Variants in CNTNAP3B observed in about 807,000 individuals in gnomAD.
CNTNAP3B encodes contactin associated protein family member 3B.
CNTNAP3B carries 25 observed loss-of-function variants against 108.9 expected under a neutral mutation model. That is an observed-to-expected ratio of 0.23 (90% confidence interval 0.17 to 0.32). CNTNAP3B has a LOEUF of 0.32. Ranked by LOEUF, CNTNAP3B falls within the 10% of genes least tolerant of loss-of-function variation. CNTNAP3B has a pLI of 1.00. For synonymous variants in CNTNAP3B, 103 were observed against 473.4 expected (o/e 0.22, Z 10.16); for missense variants, 252 against 1,210.4 (o/e 0.21, Z 11.75).
At chr9:41,924,781 T>C (rs1437283458) in intron 15 of CNTNAP3B, among the ~76,000 whole-genome samples, 1 of 152,248 alleles carries the variant, frequency 6.6e-6, no homozygotes, top group Non-Finnish European at 1.5e-5. Context: ...GGACTGCACA[T>C]CACATGTATT....
intron 14 of CNTNAP3B, among the ~76,000 whole-genome samples, chr9:41,936,124 AC>A (rs1373806351): frequency 6.6e-6 from 1 of 152,306 alleles, no homozygotes; most frequent in Admixed American, 6.5e-5. Context: ...TACTAAAAAT[AC>A]AAAAATTAGC....
In CNTNAP3B at chr9:42,019,782, C is replaced by G. The variant is rs1242121707; in HGVS notation, c.391-6257G>C. Among the ~76,000 whole-genome samples the G allele has an allele frequency of 7.0e-5, 8 of 114,250 alleles. No individual in the cohort carries two copies. In the South Asian group the frequency reaches 8.6e-4, roughly 12 times the overall value. 75.0% of individuals were successfully genotyped at this position (114,250 alleles called of 152,430 possible). A position where few individuals can be genotyped will look rare whatever the true frequency, so the allele number is the denominator to read the frequency against. On this transcript the variant is annotated intron_variant, in intron 3 of 23. Coordinates refer to ENST00000377561, the MANE Select transcript of CNTNAP3B (RefSeq NM_001201380.3). Reference sequence around the variant, plus strand: ...TCTCAAAAAAAAAAAAAAAAAAGTACTATGGAATCTAAAGTTTTCTCTAGC... The same window carrying G: ...TCTCAAAAAAAAAAAAAAAAAAGTAGTATGGAATCTAAAGTTTTCTCTAGC...
chr9:42,122,361 A>G (rs1400004777), intron 1 of CNTNAP3B, among the ~76,000 whole-genome samples: 1 of 137,094 alleles, frequency 7.3e-6, no homozygotes, highest in Admixed American at 7.3e-5. Flanking sequence ...AAGCAACATC[A>G]TTTTCTATTG....
intron 3 of CNTNAP3B, among the ~76,000 whole-genome samples, chr9:42,035,675 A>C (rs1466713512): frequency 6.6e-6 from 1 of 150,910 alleles, no homozygotes; most frequent in Non-Finnish European, 1.5e-5. Context: ...TTATTGTTTT[A>C]GAGACAGGGT....
chr9:42,014,747 T>A (rs1306025327), intron 3 of CNTNAP3B, among the ~76,000 whole-genome samples: 1 of 51,038 alleles, frequency 2.0e-5, no homozygotes, highest in Non-Finnish European at 3.5e-5. Context: ...GCCGAGATCG[T>A]GCCACTGCAC....
At chr9:41,941,111 AT>A (rs1458997908) in intron 13 of CNTNAP3B, among the ~76,000 whole-genome samples, 1 of 150,838 alleles carries the variant, frequency 6.6e-6, no homozygotes, top group African/African-American at 2.4e-5. Flanking sequence ...CCAAATAGAC[AT>A]AAGGATTCCA....
intron 1 of CNTNAP3B, among the ~76,000 whole-genome samples, chr9:42,116,465 G>A (rs1828319152): frequency 7.6e-6 from 1 of 131,040 alleles, no homozygotes; most frequent in Non-Finnish European, 1.6e-5. Context: ...TTACAGACAA[G>A]CAAATGCTGA....
chr9:41,959,005 G>A (rs1474570179), intron 12 of CNTNAP3B, among the ~76,000 whole-genome samples: 1 of 140,324 alleles, frequency 7.1e-6, no homozygotes, highest in Non-Finnish European at 1.5e-5. Context: ...CGTCAATTAA[G>A]TTTAGGTTTT....
intron 3 of CNTNAP3B, among the ~76,000 whole-genome samples, chr9:42,042,655 CA>C (rs1265892283): frequency 9.3e-6 from 1 of 107,920 alleles, no homozygotes; most frequent in African/African-American, 4.0e-5. Flanking sequence ...AGGTTACATA[CA>C]AAACTACACC....
At chr9:41,894,260 C>T in intron 23 of CNTNAP3B, 150 bp from the exon 24 acceptor site, 1 of 372,052 alleles carries the variant, frequency 2.7e-6, no homozygotes. Flanking sequence ...ACTATAGGCC[C>T]ACTCCACCGT....
chr9:41,961,440 A>T (rs1664257873), intron 11 of CNTNAP3B, among the ~76,000 whole-genome samples: 1 of 152,306 alleles, frequency 6.6e-6, no homozygotes, highest in African/African-American at 2.4e-5. Flanking sequence ...ACTCATGGCA[A>T]ATATACCTCA....
chr9:41,919,037 G>C (rs1310139293), intron 18 of CNTNAP3B, among the ~76,000 whole-genome samples: 1 of 152,364 alleles, frequency 6.6e-6, no homozygotes, highest in East Asian at 1.9e-4. Flanking sequence ...TTTTAGCTCT[G>C]ATGATTCAAT....
intron 10 of CNTNAP3B, among the ~76,000 whole-genome samples, chr9:41,966,677 A>G (rs1825286339): frequency 1.3e-5 from 2 of 152,254 alleles, no homozygotes; most frequent in Non-Finnish European, 2.9e-5. Context: ...AGAAGTTAAA[A>G]CCTATCCTGG....
intron 14 of CNTNAP3B, among the ~76,000 whole-genome samples, chr9:41,935,185 G>C (rs1270551204): frequency 1.3e-5 from 2 of 152,288 alleles, no homozygotes; most frequent in Non-Finnish European, 1.5e-5. Flanking sequence ...GCATGTTATA[G>C]TTATTTGATA....
intron 14 of CNTNAP3B, among the ~76,000 whole-genome samples, chr9:41,931,719 C>G (rs562904364): frequency 6.7e-6 from 1 of 150,068 alleles, no homozygotes; most frequent in East Asian, 1.9e-4. Flanking sequence ...AATATGTCTC[C>G]TGCTGAATGA....
chr9:41,931,074 T>C (rs1823964176), intron 14 of CNTNAP3B, among the ~76,000 whole-genome samples: 1 of 152,304 alleles, frequency 6.6e-6, no homozygotes, highest in Admixed American at 6.5e-5. Context: ...TTTTTTAAAT[T>C]GCCCAGTTCT....
chr9:41,942,230 C>T (rs1439000868), intron 13 of CNTNAP3B, among the ~76,000 whole-genome samples: 1 of 152,296 alleles, frequency 6.6e-6, no homozygotes, highest in Non-Finnish European at 1.5e-5. Context: ...AATCCCAGCA[C>T]TTTGGGAGGC....
intron 13 of CNTNAP3B, among the ~76,000 whole-genome samples, chr9:41,952,405 G>A (rs1354494032): frequency 6.6e-6 from 1 of 152,196 alleles, no homozygotes; most frequent in Non-Finnish European, 1.5e-5. Flanking sequence ...ATTTGGGATT[G>A]CTAAAACTAA....
intron 12 of CNTNAP3B, among the ~76,000 whole-genome samples, chr9:41,956,534 A>G (rs1824865389): frequency 6.6e-6 from 1 of 152,128 alleles, no homozygotes; most frequent in Non-Finnish European, 1.5e-5. Context: ...TATCATATGA[A>G]ATCCCCAGCA....
Sources: gnomAD v4.1 joint callset for allele counts (sites outside exome capture counted in the v4.1 genomes callset) on GRCh38, gnomAD v4.1.1 for gene constraint, MANE v1.5 for transcripts, NCBI Gene and HGNC (gene_info 2026-07-23, HGNC 2026-07-21) for gene names.